The following MAGI2 variants were observed in gnomAD, a reference collection of about 807,000 sequenced individuals.
MAGI2 encodes membrane associated guanylate kinase, WW and PDZ domain containing 2.
MAGI2 carries 35 observed loss-of-function variants against 133.3 expected under a neutral mutation model. The ratio of observed to expected loss-of-function variants is 0.26; its 90% confidence interval spans 0.20 to 0.35. MAGI2 has a LOEUF of 0.35. MAGI2 is among the 10% of genes least tolerant of loss of function. MAGI2 has a pLI of 1.00. For missense variants in MAGI2, 1,636 were observed against 1,863.4 expected, an observed-to-expected ratio of 0.88 and a Z score of 2.25; for synonymous variants, 729 against 710.6, an observed-to-expected ratio of 1.03 and a Z score of -0.41.
chr7:79,401,996 G>C (rs1393434423), intron 1 of MAGI2, among the ~76,000 whole-genome samples: 1 of 151,946 alleles, frequency 6.6e-6, no homozygotes, highest in African/African-American at 2.4e-5. Flanking sequence ...TTAAATTAAG[G>C]ATAAAATAAT....
chr7:78,261,693 C>A (rs531023793), intron 9 of MAGI2, among the ~76,000 whole-genome samples: 4 of 152,132 alleles, frequency 2.6e-5, no homozygotes, highest in Non-Finnish European at 4.4e-5. Flanking sequence ...AATAAAAAAA[C>A]CTGACAACTC....
intron 2 of MAGI2, among the ~76,000 whole-genome samples, chr7:78,703,427 G>A (rs1020267303): frequency 1.3e-5 from 2 of 152,000 alleles, no homozygotes; most frequent in African/African-American, 4.8e-5. Flanking sequence ...CAAACATTTT[G>A]AGATTGAACG....
chr7:79,128,612 A>T (rs1277539785), intron 1 of MAGI2, among the ~76,000 whole-genome samples: 3 of 152,184 alleles, frequency 2.0e-5, no homozygotes, highest in Admixed American at 1.3e-4. Flanking sequence ...TGTTTTCAAC[A>T]TTATACTATT....
intron 6 of MAGI2, among the ~76,000 whole-genome samples, chr7:78,378,604 C>T (rs963068424): frequency 6.6e-6 from 1 of 151,966 alleles, no homozygotes; most frequent in Non-Finnish European, 1.5e-5. Context: ...AAAGTGTGAG[C>T]TAAGAATTTT....
At chr7:78,510,848 A>T (rs571145352) in intron 4 of MAGI2, among the ~76,000 whole-genome samples, 1 of 152,302 alleles carries the variant, frequency 6.6e-6, no homozygotes, top group East Asian at 1.9e-4. Flanking sequence ...CAAAATCAGA[A>T]ACGCAGCTCC....
chr7:79,422,819 T>A (rs1847070454), intron 1 of MAGI2, among the ~76,000 whole-genome samples: 1 of 152,128 alleles, frequency 6.6e-6, no homozygotes, highest in Non-Finnish European at 1.5e-5. Flanking sequence ...CCAATGGCAA[T>A]AAATATAGAA....
chr7:78,991,683 A>T (rs1805804337), intron 2 of MAGI2, among the ~76,000 whole-genome samples: 1 of 151,554 alleles, frequency 6.6e-6, no homozygotes, highest in Non-Finnish European at 1.5e-5. Context: ...ACAGGTAAGG[A>T]TGTACCAATC....
intron 2 of MAGI2, among the ~76,000 whole-genome samples, chr7:78,636,708 G>A (rs1299534903): frequency 6.6e-6 from 1 of 152,162 alleles, no homozygotes; most frequent in Non-Finnish European, 1.5e-5. Flanking sequence ...TGAGGCAGGA[G>A]AATGGCGTGA....
At chr7:79,104,592 G>C (rs1438251151) in intron 1 of MAGI2, among the ~76,000 whole-genome samples, 1 of 152,058 alleles carries the variant, frequency 6.6e-6, no homozygotes, top group African/African-American at 2.4e-5. Context: ...GCTTGAACCT[G>C]GGAGGTGGAG....
At chr7:79,431,247 C>T (rs533799342) in intron 1 of MAGI2, among the ~76,000 whole-genome samples, 3 of 152,194 alleles carry the variant, frequency 2.0e-5, no homozygotes, top group South Asian at 4.2e-4. Context: ...TCTAGAAATG[C>T]AATATTTATA....
chr7:79,359,360 A>C (rs1842226452), intron 1 of MAGI2, among the ~76,000 whole-genome samples: 1 of 152,124 alleles, frequency 6.6e-6, no homozygotes, highest in Non-Finnish European at 1.5e-5. Flanking sequence ...GAAACAATAA[A>C]TGATCCAACT....
intron 3 of MAGI2, among the ~76,000 whole-genome samples, chr7:78,597,187 C>T (rs1804697218): frequency 6.6e-6 from 1 of 152,066 alleles, no homozygotes; most frequent in Non-Finnish European, 1.5e-5. Context: ...AGAATATCTG[C>T]CTTTAACTAG....
chr7:78,902,157 TA>T (rs1258890885), intron 2 of MAGI2, among the ~76,000 whole-genome samples: 1 of 152,208 alleles, frequency 6.6e-6, no homozygotes, highest in East Asian at 1.9e-4. Context: ...TTCCCCTAGA[TA>T]TGAATGCAAA....
At chr7:79,187,802 A>G (rs957591969) in intron 1 of MAGI2, among the ~76,000 whole-genome samples, 7 of 151,982 alleles carry the variant, frequency 4.6e-5, no homozygotes, top group African/African-American at 1.4e-4. Flanking sequence ...TTGTCATTTT[A>G]CTTATTCCTA....
intron 15 of MAGI2, among the ~76,000 whole-genome samples, chr7:78,161,238 G>A (rs1245643439): frequency 1.3e-5 from 2 of 152,130 alleles, no homozygotes; most frequent in African/African-American, 2.4e-5. Flanking sequence ...TAGAAAGTTG[G>A]CAGCCAAAAG....
At chr7:78,317,463 C>T (rs1027741569) in intron 9 of MAGI2, among the ~76,000 whole-genome samples, 4 of 152,140 alleles carry the variant, frequency 2.6e-5, no homozygotes, top group South Asian at 4.1e-4. Context: ...GATAAGAATG[C>T]GCATCAGCAT....
chr7:79,229,127 T>G (rs2129554061), intron 1 of MAGI2, among the ~76,000 whole-genome samples: 1 of 151,508 alleles, frequency 6.6e-6, no homozygotes, highest in East Asian at 1.9e-4. Flanking sequence ...TTCCTAGATT[T>G]GTACTAAGCA....
At chr7:78,955,723 C>CTCTTTCTTTCTTTCTT (rs1158477695) in intron 2 of MAGI2, among the ~76,000 whole-genome samples, 25 of 83,486 alleles carry the variant, frequency 3.0e-4, no homozygotes, top group East Asian at 8.1e-4. Context: ...TTCTTTCTTT[C>CTCTTTCTTTCTTTCTT]TCTTTCTTTC....
intron 2 of MAGI2, among the ~76,000 whole-genome samples, chr7:78,954,880 T>C (rs1037746938): frequency 6.6e-6 from 1 of 152,136 alleles, no homozygotes; most frequent in Non-Finnish European, 1.5e-5. Context: ...TTTGAATCAA[T>C]ATAAAAAAAG....
Sources: allele counts gnomAD v4.1 joint callset (sites outside exome capture counted in the v4.1 genomes callset), GRCh38; gene constraint gnomAD v4.1.1; transcripts MANE v1.5; gene names NCBI Gene and HGNC (gene_info 2026-07-23, HGNC 2026-07-21).